Variants in OAF observed in about 807,000 individuals in gnomAD.
The protein encoded by OAF is out at first protein homolog.
Under a neutral mutation model 22.5 loss-of-function variants are expected in OAF, and 13 were observed. The ratio of observed to expected loss-of-function variants is 0.58; its 90% CI spans 0.38 to 0.92. The LOEUF is 0.92. OAF is among the 40% of genes least tolerant of loss of function. The pLI is 0.00. For missense variants in OAF, 347 were observed against 381.8 expected, an observed-to-expected ratio of 0.91 and a Z score of 0.76; for synonymous variants, 175 against 170.5, an observed-to-expected ratio of 1.03 and a Z score of -0.21.
chr11:120,227,291 A>G (rs551482226), intron 3 of OAF, among the ~76,000 whole-genome samples: 7 of 152,284 alleles, frequency 4.6e-5, no homozygotes, highest in Non-Finnish European at 8.8e-5. Flanking sequence ...GGGACCCCCA[A>G]ACCAGGCTAC....
At chr11:120,225,586 C>G in intron 1 of OAF, 75 bp from the exon 2 acceptor site, 3 of 1,396,240 alleles carry the variant, frequency 2.1e-6, no homozygotes, top group Non-Finnish European at 2.9e-6. Flanking sequence ...GTTCAGGGGC[C>G]AAGCTGAGCA....
chr11:120,228,825 T>TCCCTCCCC, intron 3 of OAF, 43 bp from the exon 4 acceptor site: 1 of 434,174 alleles, frequency 2.3e-6, no homozygotes, highest in East Asian at 5.5e-5. Flanking sequence ...GCTCCTTCCC[T>TCCCTCCCC]CCCTCCCTCC....
chr11:120,228,989 C>T lies in OAF; in HGVS notation c.669C>T (p.Ala223=), dbSNP rs780057480. The change falls in exon 4 of 4, where the codon GCC becomes GCT. Residue 223 remains alanine (A), a synonymous_variant. Coordinates refer to ENST00000328965, the MANE Select transcript of OAF (RefSeq NM_178507.4). The part of the protein sequence containing the change: ...PCVCRYGLSL[A]WYPCMLKYCH... ...TCTGCCGCTATGGCCTGAGCCTGGC[C>T]TGGTACCCCTGCATGCTCAAGTACT... 5.6e-6 allele frequency: 9 copies of T among 1,613,416 alleles called. No individual in the cohort carries two copies. The highest frequency in any genetic ancestry group is 6.8e-6 in the Non-Finnish European group (8 of 1,179,996).
At chr11:120,212,798 G>A (rs548467719) in intron 1 of OAF, among the ~76,000 whole-genome samples, 16 of 148,516 alleles carry the variant, frequency 1.1e-4, no homozygotes, top group Admixed American at 3.4e-4. Context: ...CCACGGAGTT[G>A]GCACTGACAT....
rs1938406635 is a variant in OAF at position 120,229,337 on chromosome 11, C to T, written c.*195C>T. On this transcript the variant is annotated 3_prime_UTR_variant, in exon 4 of 4. Transcript: ENST00000328965. ...ATGGCAGGGGGTCTCATGAAGGCAC[C>T]CCCATTCCCACCCTGTGCCTTCCTT... The T allele has an allele frequency of 3.3e-6, 2 of 599,008 alleles. No homozygotes were observed. The highest frequency in any genetic ancestry group is 5.9e-6 in the Non-Finnish European group (2 of 338,530). The allele number at this position is 599,008 out of a possible 1,614,324, so 37.1% of individuals were successfully genotyped here. A position where few individuals can be genotyped will look rare whatever the true frequency, so the allele number is the denominator to read the frequency against.
intron 1 of OAF, among the ~76,000 whole-genome samples, chr11:120,222,813 G>A (rs985981743): frequency 6.6e-6 from 1 of 152,198 alleles, no homozygotes; most frequent in Non-Finnish European, 1.5e-5. Flanking sequence ...TCAGGAGGCT[G>A]AGGCAGGAGA....
chr11:120,222,425 A>G (rs1169602625), intron 1 of OAF, among the ~76,000 whole-genome samples: 2 of 152,056 alleles, frequency 1.3e-5, no homozygotes, highest in Admixed American at 6.5e-5. Flanking sequence ...GCATGGTGGC[A>G]CATGCCTGTA....
chr11:120,214,651 C>T (rs1013573589), intron 1 of OAF, among the ~76,000 whole-genome samples: 19 of 152,174 alleles, frequency 1.2e-4, no homozygotes, highest in Admixed American at 9.8e-4. Context: ...ATCCAGCCCC[C>T]TCTCTCCAGC....
intron 1 of OAF, among the ~76,000 whole-genome samples, chr11:120,223,683 A>T (rs1938311232): frequency 6.6e-6 from 1 of 152,244 alleles, no homozygotes; most frequent in Non-Finnish European, 1.5e-5. Flanking sequence ...AACGGTAGTC[A>T]GGTGATGTCA....
At chr11:120,216,523 C>T (rs1363333601) in intron 1 of OAF, among the ~76,000 whole-genome samples, 2 of 152,186 alleles carry the variant, frequency 1.3e-5, no homozygotes, top group African/African-American at 2.4e-5. Context: ...TGACCAGGCT[C>T]ACTGACATGG....
intron 2 of OAF, 105 bp downstream of exon 2, chr11:120,225,900 C>A (rs527332287): frequency 1.7e-4 from 158 of 946,454 alleles, no homozygotes; most frequent in Non-Finnish European, 2.3e-4. Context: ...GCAGACCCGA[C>A]CCCTGCAGCC....
chr11:120,211,507 G>A lies in OAF; in HGVS notation c.228G>A (p.Lys76=). The change falls in exon 1 of 4, where the codon AAG becomes AAA. Residue 76 remains lysine (K), a synonymous_variant. Transcript: ENST00000328965. ...GTLVSFTADF[K]KDVKVFRALI... ...TCGTCTCCTTCACCGCCGACTTCAA[G>A]AAGGTGAGGCGCCCTCACTCGCCGG... The A allele has an allele frequency of 6.9e-7, 1 of 1,459,406 alleles. No homozygotes were observed. Among genetic ancestry groups the A allele is most frequent in the East Asian group, 2.7e-5 (1 of 36,678 alleles). 90.4% of individuals were successfully genotyped at this position (1,459,406 alleles called of 1,614,324 possible).
chr11:120,212,881 A>C lies in OAF; in HGVS notation c.231+1371A>C, dbSNP rs188212268. The stretch of plus-strand genomic sequence containing the variant: ...TGGGAAGACTTTGTAGCCCATCCTT[A>C]CTCCGCAGGCCTAAGCTAGGCACCC... On this transcript the variant is annotated intron_variant, in intron 1 of 3. Coordinates refer to ENST00000328965, the MANE Select transcript of OAF (RefSeq NM_178507.4). 3.6e-4 allele frequency among the ~76,000 whole-genome samples: 53 copies of C among 146,210 alleles called. No individual in the cohort carries two copies. In the East Asian group the frequency reaches 0.011, roughly 30 times the overall value.
intron 1 of OAF, among the ~76,000 whole-genome samples, chr11:120,219,903 GAAGA>G (rs1938258963): frequency 6.6e-6 from 1 of 152,216 alleles, no homozygotes; most frequent in African/African-American, 2.4e-5. Flanking sequence ...GCAAGGCCGA[GAAGA>G]AAGAGTGTCT....
At chr11:120,215,874 G>A (rs1460316521) in intron 1 of OAF, among the ~76,000 whole-genome samples, 1 of 152,176 alleles carries the variant, frequency 6.6e-6, no homozygotes, top group Non-Finnish European at 1.5e-5. Context: ...ATATGAAGAA[G>A]GTCATGTGTG....
intron 1 of OAF, among the ~76,000 whole-genome samples, chr11:120,218,713 G>A (rs905499834): frequency 3.9e-5 from 6 of 152,208 alleles, no homozygotes; most frequent in Admixed American, 3.9e-4. Context: ...TGCAGCCTGG[G>A]CCATGACCAG....
At position 120,211,325 on chromosome 11, in the gene OAF, CTGCTGCCGCTGCTCGCGCCGCTGCTGG is replaced by C. The variant is rs1938141121; in HGVS notation, c.47_73del (p.Leu16_Gly25delinsArg). The C allele has an allele frequency of 7.2e-7, 1 of 1,395,100 alleles. No individual in the cohort carries two copies. Among genetic ancestry groups the C allele is most frequent in the Non-Finnish European group, 9.3e-7 (1 of 1,074,800 alleles). The allele number at this position is 1,395,100 out of a possible 1,614,324, so 86.4% of individuals were successfully genotyped here. On this transcript the variant is annotated inframe_deletion, in exon 1 of 4. Coordinates refer to ENST00000328965, the MANE Select transcript of OAF (RefSeq NM_178507.4). ...CCTGGCGCGCCCTGCGCTGCTGCTG[CTGCTGCCGCTGCTCGCGCCGCTGCTGG>C]GAACGGGTGCGCCGGCCGAGCTGCG...
intron 1 of OAF, chr11:120,217,185 C>A (rs186247178): frequency 6.6e-6 from 1 of 152,286 alleles, no homozygotes; most frequent in African/African-American, 2.4e-5. Flanking sequence ...CACGCTCTTA[C>A]CTCCAGTGGA....
intron 3 of OAF, among the ~76,000 whole-genome samples, chr11:120,228,034 C>T (rs1257557115): frequency 2.0e-5 from 3 of 152,158 alleles, no homozygotes; most frequent in Admixed American, 6.5e-5. Flanking sequence ...CCTGACCTGC[C>T]CCACTGTGGG....
Sources: allele counts gnomAD v4.1 joint callset (sites outside exome capture counted in the v4.1 genomes callset), GRCh38; gene constraint gnomAD v4.1.1; transcripts MANE v1.5; gene names NCBI Gene and HGNC (gene_info 2026-07-23, HGNC 2026-07-21).